Variants in PLA2G2C observed in about 807,000 individuals in gnomAD.
PLA2G2C encodes phospholipase A2 group IIC.
PLA2G2C carries 15 observed loss-of-function variants against 14.3 expected under a neutral mutation model. That is an observed-to-expected ratio of 1.05 (90% CI 0.70 to 1.62). PLA2G2C has a LOEUF of 1.62. PLA2G2C is among the 40% of genes most tolerant of loss of function. The pLI, the probability that PLA2G2C is intolerant of heterozygous loss-of-function variation, is 0.00. For missense variants in PLA2G2C, 162 were observed against 173.2 expected (o/e 0.94, Z 0.36); for synonymous variants, 79 against 67.7 (o/e 1.17, Z -0.82).
intron 4 of PLA2G2C, among the ~76,000 whole-genome samples, chr1:20,168,914 T>C (rs919702502): frequency 2.0e-5 from 3 of 152,136 alleles, no homozygotes; most frequent in Non-Finnish European, 2.9e-5. Context: ...ACCAGGCAAA[T>C]TGGGCCCTGG....
Position 20,177,190 on chromosome 1 carries a change from C to G in PLA2G2C, c.40+134G>C, listed in dbSNP as rs183934152. ...AGAAGCAAGAGGACGTTGGTGGGAG[C>G]CCGTTCCTTTCCTGATTCTTTTCTG... On this transcript the variant is annotated intron_variant, in intron 2 of 4. Coordinates refer to ENST00000679259, the MANE Select transcript of PLA2G2C (RefSeq NM_001367969.2). 203 of 688,690 alleles carry G rather than the reference C, an allele frequency of 2.9e-4. No individual in the cohort carries two copies. In the African/African-American group the frequency reaches 3.0e-3, roughly 10 times the overall value. The allele number at this position is 688,690 out of a possible 1,614,324, so 42.7% of individuals were successfully genotyped here.
At chr1:20,172,266 CCA>C (rs1160039163) in intron 4 of PLA2G2C, among the ~76,000 whole-genome samples, 6 of 152,042 alleles carry the variant, frequency 3.9e-5, no homozygotes, top group African/African-American at 1.5e-4. Context: ...GGGCCACGCC[CCA>C]TGTGAAGGGC....
chr1:20,175,141 G>C lies in PLA2G2C; in HGVS notation c.45C>G (p.Pro15=), dbSNP rs759028248. ...GAAACTGCCAGAAACTGCTGTGGGT[G>C]GGGGCTGCCACCACCGATGAGAAAA... ...AILTLLLFCS[P]THSSFWQFQR... The change falls in exon 3 of 5, where the codon CCC becomes CCG. Residue 15 remains proline, a synonymous_variant. Transcript: ENST00000679259. The C allele has an allele frequency of 1.1e-5, 18 of 1,613,770 alleles. No homozygotes were observed. The highest frequency in any genetic ancestry group is 1.4e-5 in the Non-Finnish European group (17 of 1,179,844).
chr1:20,173,001 G>C (rs2018115533), intron 3 of PLA2G2C, 104 bp from the exon 4 acceptor site: 1 of 759,544 alleles, frequency 1.3e-6, no homozygotes, highest in African/African-American at 1.8e-5. Context: ...AGGTGAGGAG[G>C]TGAATTATCA....
intron 4 of PLA2G2C, among the ~76,000 whole-genome samples, chr1:20,172,282 T>G (rs1053650853): frequency 4.6e-5 from 7 of 152,150 alleles, no homozygotes; most frequent in African/African-American, 1.7e-4. Flanking sequence ...GAAGGGCACT[T>G]GATCCACTTG....
intron 2 of PLA2G2C, among the ~76,000 whole-genome samples, chr1:20,175,895 G>T (rs1428542923): frequency 2.6e-5 from 4 of 151,312 alleles, no homozygotes; most frequent in African/African-American, 9.7e-5. Flanking sequence ...TAATAAGCGT[G>T]TGTTCCCTTT....
At chr1:20,185,123 G>T (rs1033464910) in intron 1 of PLA2G2C, among the ~76,000 whole-genome samples, 2 of 152,116 alleles carry the variant, frequency 1.3e-5, no homozygotes, top group African/African-American at 2.4e-5. Flanking sequence ...GTGAAGGGGC[G>T]AGACCCTGTC....
chr1:20,175,345 C>T (rs1325690354), intron 2 of PLA2G2C, among the ~76,000 whole-genome samples, 200 bp from the exon 3 acceptor site: 5 of 152,266 alleles, frequency 3.3e-5, no homozygotes, highest in Non-Finnish European at 7.4e-5. Flanking sequence ...TGTAACACAG[C>T]TAGTTTTTTG....
intron 3 of PLA2G2C, among the ~76,000 whole-genome samples, chr1:20,174,325 A>G (rs1158460922): frequency 6.6e-6 from 1 of 151,854 alleles, no homozygotes; most frequent in Non-Finnish European, 1.5e-5. Flanking sequence ...CCCGTTTCTT[A>G]CCTCCCCACA....
intron 3 of PLA2G2C, among the ~76,000 whole-genome samples, chr1:20,173,829 G>C (rs1034589932): frequency 1.1e-4 from 17 of 152,226 alleles, no homozygotes. Flanking sequence ...CTGCAAGTGG[G>C]GGCTCTGCTG....
chr1:20,184,197 G>GCGCA (rs1553184784), intron 1 of PLA2G2C: 66 of 149,722 alleles, frequency 4.4e-4, no homozygotes, highest in East Asian at 1.2e-3. Context: ...GTGCGCACAC[G>GCGCA]CACACACACA....
chr1:20,170,500 C>T (rs1010487758), intron 4 of PLA2G2C, among the ~76,000 whole-genome samples: 2 of 152,154 alleles, frequency 1.3e-5, no homozygotes, highest in African/African-American at 2.4e-5. Flanking sequence ...CGGCACTGGG[C>T]GGGTACCCAG....
intron 2 of PLA2G2C, 122 bp downstream of exon 2, chr1:20,177,202 C>T: frequency 1.4e-6 from 1 of 693,636 alleles, no homozygotes; most frequent in Non-Finnish European, 2.6e-6. Context: ...CGTTCCTTTC[C>T]TGATTCTTTT....
At chr1:20,177,762 G>A (rs531316017) in intron 1 of PLA2G2C, among the ~76,000 whole-genome samples, 2 of 151,684 alleles carry the variant, frequency 1.3e-5, no homozygotes, top group Admixed American at 6.6e-5. Context: ...CACCTATGTT[G>A]TTCATAATAG....
chr1:20,175,938 T>G lies in PLA2G2C; in HGVS notation c.41-793A>C, dbSNP rs190429135. On this transcript the variant is annotated intron_variant, in intron 2 of 4. Coordinates refer to ENST00000679259, the MANE Select transcript of PLA2G2C (RefSeq NM_001367969.2). Reference sequence around the variant, plus strand: ...TTTTTTTTTTTTTTGAGACGGAGTTTCGCTGTTGTTACCCAGGCTGGAGTG... The same window carrying G: ...TTTTTTTTTTTTTTGAGACGGAGTTGCGCTGTTGTTACCCAGGCTGGAGTG... Among the ~76,000 whole-genome samples the G allele has an allele frequency of 9.4e-3, 1,425 of 151,600 alleles. 21 individuals are homozygous for G. The highest frequency in any genetic ancestry group is 0.032 in the African/African-American group (1,316 of 41,218).
At chr1:20,172,986 A>G in intron 3 of PLA2G2C, 89 bp from the exon 4 acceptor site, 1 of 906,392 alleles carries the variant, frequency 1.1e-6, no homozygotes, top group Non-Finnish European at 1.7e-6. Flanking sequence ...GCAAGAAGGC[A>G]TTGAAGGTGA....
In PLA2G2C at chr1:20,163,166, A is replaced by G. The variant is rs544034588; in HGVS notation, c.*825T>C. On this transcript the variant is annotated 3_prime_UTR_variant, in exon 5 of 5. Transcript: ENST00000679259. ...CAGCCAGGTTCCCTCACACATCTGT[A>G]GTCAGCTACAAGCTGAGTCTCGCTG... The G allele has an allele frequency of 1.5e-4, 23 of 152,362 alleles. No individual in the cohort carries two copies. Among genetic ancestry groups the G allele is most frequent in the African/African-American group, 5.5e-4 (23 of 41,582 alleles). 9.4% of individuals were successfully genotyped at this position (152,362 alleles called of 1,614,324 possible). A position where few individuals can be genotyped will look rare whatever the true frequency, so the allele number is the denominator to read the frequency against.
At position 20,167,499 on chromosome 1, in the gene PLA2G2C, G is replaced by A. The variant is rs115566905; in HGVS notation, c.284-3342C>T. ...GGTCCTGTCGGCCCTGACCCTACCCGCACAGCATTGCCGACATCTGACACT... is the reference window on the plus strand; with the variant it reads ...GGTCCTGTCGGCCCTGACCCTACCCACACAGCATTGCCGACATCTGACACT... On this transcript the variant is annotated intron_variant, in intron 4 of 4. Transcript: ENST00000679259. Among the ~76,000 whole-genome samples, 966 of 152,168 alleles carry A rather than the reference G, an allele frequency of 6.3e-3. 10 individuals are homozygous for A. The highest frequency in any genetic ancestry group is 0.022 in the African/African-American group (917 of 41,498).
At position 20,163,727 on chromosome 1, in the gene PLA2G2C, T is replaced by G; in HGVS notation, c.*264A>C. The G allele has an allele frequency of 1.1e-5, 5 of 446,948 alleles. No individual in the cohort carries two copies. The highest frequency in any genetic ancestry group is 1.6e-5 in the Non-Finnish European group (4 of 249,024). 27.7% of individuals were successfully genotyped at this position (446,948 alleles called of 1,614,324 possible). On this transcript the variant is annotated 3_prime_UTR_variant, in exon 5 of 5. Coordinates refer to ENST00000679259, the MANE Select transcript of PLA2G2C (RefSeq NM_001367969.2). ...TGTCTCTTACTTCTATATCCATGCA[T>G]TTGTAGTCCTCCCCACTCCACAGAA...
Sources: allele counts gnomAD v4.1 joint callset (sites outside exome capture counted in the v4.1 genomes callset), GRCh38; gene constraint gnomAD v4.1.1; transcripts MANE v1.5; gene names NCBI Gene and HGNC (gene_info 2026-07-23, HGNC 2026-07-21).